PRMT7: variants seen among roughly 807,000 people sequenced by gnomAD.
The protein encoded by PRMT7 is protein arginine N-methyltransferase 7.
In PRMT7, 75 loss-of-function variants were observed where a neutral mutation model predicts 85.4. The observed-to-expected ratio is 0.88, with a 90% CI of 0.73 to 1.06. The LOEUF (loss-of-function observed/expected upper bound fraction) is 1.06, where lower values mean the gene tolerates loss of function less well. Ranked by LOEUF, PRMT7 falls within the 50% of genes least tolerant of loss-of-function variation. The probability of loss-of-function intolerance (pLI) is 0.00; values close to 1 mark genes in which losing one functional copy is unlikely to be tolerated. For missense variants in PRMT7, 868 were observed against 915.2 expected (o/e 0.95, Z 0.67); for synonymous variants, 397 against 359.5 (o/e 1.10, Z -1.18).
At chr16:68,345,025 A>C (rs1358667230) in intron 9 of PRMT7, among the ~76,000 whole-genome samples, 1 of 147,864 alleles carries the variant, frequency 6.8e-6, no homozygotes, top group Non-Finnish European at 1.5e-5. Flanking sequence ...CTGACACTTT[A>C]CTTTTAAATA....
chr16:68,358,919 C>G (rs59495414), downstream of PRMT7: 652 of 152,706 alleles, frequency 4.3e-3, 7 homozygotes, highest in African/African-American at 0.015. Flanking sequence ...GTGGGGGGGT[C>G]CCGGTCTTGG....
At chr16:68,315,857 G>A (rs1016512726) in intron 2 of PRMT7, 40 bp from the exon 3 acceptor site, 34 of 785,950 alleles carry the variant, frequency 4.3e-5, no homozygotes, top group African/African-American at 4.0e-4. Flanking sequence ...TTTTCTGTTC[G>A]TTTGTTTATA....
At position 68,315,864 on chromosome 16, in the gene PRMT7, T is replaced by G. The variant is rs1417756164; in HGVS notation, c.-83-33T>G. The G allele has an allele frequency of 4.7e-6, 4 of 850,058 alleles. No homozygotes were observed. The East Asian group carries it at 1.0e-4, about 21-fold the overall frequency. 52.7% of individuals were successfully genotyped at this position (850,058 alleles called of 1,614,324 possible). ...TAGATTTTTTTTCTGTTCGTTTGTT[T>G]ATATACCTCCTGTTTCCTTCTGATG... On this transcript the variant is annotated intron_variant, in intron 2 of 18. Coordinates refer to ENST00000441236, the MANE Select transcript of PRMT7 (RefSeq NM_019023.5).
At chr16:68,328,716 C>T (rs2083440121) in intron 5 of PRMT7, among the ~76,000 whole-genome samples, 2 of 152,068 alleles carry the variant, frequency 1.3e-5, no homozygotes, top group South Asian at 2.1e-4. Context: ...CACCTACAGT[C>T]TGCTCTCCTC....
chr16:68,341,038 A>T (rs901926621), intron 9 of PRMT7, among the ~76,000 whole-genome samples: 3 of 152,246 alleles, frequency 2.0e-5, no homozygotes, highest in Admixed American at 6.5e-5. Flanking sequence ...ACATATAAGG[A>T]GGTCTTTGGA....
intron 7 of PRMT7, among the ~76,000 whole-genome samples, chr16:68,338,908 C>G (rs939229588): frequency 6.6e-6 from 1 of 152,140 alleles, no homozygotes; most frequent in Non-Finnish European, 1.5e-5. Flanking sequence ...CAGCAGTGCC[C>G]AGCGGCGCTA....
rs1449485538 is a variant in PRMT7 at position 68,347,308 on chromosome 16, C to T, written c.1275+14C>T. On this transcript the variant is annotated intron_variant, in intron 12 of 18. Transcript: ENST00000441236. ...GGGGTGGAGCAGGTACTGACATGCA[C>T]CCTTGTCAGCCTCCTGATGTGGGCT... The T allele has an allele frequency of 2.6e-6, 4 of 1,524,712 alleles. No individual in the cohort carries two copies. Among genetic ancestry groups the T allele is most frequent in the Non-Finnish European group, 3.5e-6 (4 of 1,130,566 alleles). 94.4% of individuals were successfully genotyped at this position (1,524,712 alleles called of 1,614,324 possible). A position where few individuals can be genotyped will look rare whatever the true frequency, so the allele number is the denominator to read the frequency against.
chr16:68,312,231 T>TATATATA (rs1567615815), intron 2 of PRMT7, 55 bp downstream of exon 2: 2 of 53,084 alleles, frequency 3.8e-5, no homozygotes, highest in African/African-American at 1.5e-4. Flanking sequence ...ATATATATAT[T>TATATATA]TTTTTTTTTA....
chr16:68,313,629 T>C (rs182013976), intron 2 of PRMT7, among the ~76,000 whole-genome samples: 121 of 152,364 alleles, frequency 7.9e-4, no homozygotes, highest in African/African-American at 2.9e-3. Context: ...CTCCAACATT[T>C]GTTGGACACA....
chr16:68,356,108 C>G (rs1172594149), intron 17 of PRMT7, among the ~76,000 whole-genome samples: 1 of 152,228 alleles, frequency 6.6e-6, no homozygotes, highest in Non-Finnish European at 1.5e-5. Context: ...TCTGCTCCCC[C>G]TCTACAGCTG....
intron 5 of PRMT7, among the ~76,000 whole-genome samples, chr16:68,325,074 C>G (rs2082946094): frequency 6.6e-6 from 1 of 152,230 alleles, no homozygotes; most frequent in Non-Finnish European, 1.5e-5. Context: ...AAAATACTTA[C>G]AGGCTGGGCA....
At chr16:68,352,567 A>T in intron 15 of PRMT7, 158 bp downstream of exon 15, 1 of 614,144 alleles carries the variant, frequency 1.6e-6, no homozygotes, top group Non-Finnish European at 2.6e-6. Context: ...GTTGAATAGA[A>T]GATGCTTGCC....
In PRMT7 at chr16:68,355,856, G is replaced by A. The variant is rs762559370; in HGVS notation, c.1784G>A (p.Cys595Tyr). ...CAGCCGGTGCCCCTGCAGCCCCTGTGTGCCGAGGGCACCGTGGAGCTCAGA... is the reference window on the plus strand; with the variant it reads ...CAGCCGGTGCCCCTGCAGCCCCTGTATGCCGAGGGCACCGTGGAGCTCAGA... ...FQQPVPLQPL[C>Y]AEGTVELRRP... Residue 595 changes from cysteine to tyrosine, a missense_variant, in exon 17 of 19, where the codon TGT becomes TAT. Coordinates refer to ENST00000441236, the MANE Select transcript of PRMT7 (RefSeq NM_019023.5). 1 of 1,606,760 alleles carries A rather than the reference G, an allele frequency of 6.2e-7. No individual in the cohort carries two copies. The highest frequency in any genetic ancestry group is 8.5e-7 in the Non-Finnish European group (1 of 1,178,746).
intron 13 of PRMT7, 67 bp downstream of exon 13, chr16:68,347,745 G>A: frequency 6.8e-7 from 1 of 1,469,176 alleles, no homozygotes; most frequent in South Asian, 1.2e-5. Context: ...TGGCTTTGAA[G>A]TGGCATTGGC....
At chr16:68,333,075 C>G (rs757879106) in intron 6 of PRMT7, among the ~76,000 whole-genome samples, 1 of 152,146 alleles carries the variant, frequency 6.6e-6, no homozygotes, top group African/African-American at 2.4e-5. Flanking sequence ...CTCACTGCAG[C>G]CTCGACTTCT....
At position 68,357,384 on chromosome 16, in the gene PRMT7, G is replaced by T; in HGVS notation, c.*160G>T. On this transcript the variant is annotated 3_prime_UTR_variant, in exon 19 of 19. Transcript: ENST00000441236. ...TTGCATCTTGTTGCATCTTTGCACT[G>T]CTGGCCTCTGGCTCCAGCTGTGGCA... 1.3e-6 allele frequency: 1 copy of T among 754,896 alleles called. No individual in the cohort carries two copies. The allele number at this position is 754,896 out of a possible 1,614,324, so 46.8% of individuals were successfully genotyped here.
intron 13 of PRMT7, among the ~76,000 whole-genome samples, chr16:68,347,936 T>G (rs530734572): frequency 1.3e-5 from 2 of 152,332 alleles, no homozygotes; most frequent in African/African-American, 4.8e-5. Flanking sequence ...TAAGCTACTG[T>G]TGCGGTAGAA....
At chr16:68,353,383 G>C (rs1263775192) in intron 15 of PRMT7, 109 bp from the exon 16 acceptor site, 2 of 1,560,324 alleles carry the variant, frequency 1.3e-6, no homozygotes, top group East Asian at 4.8e-5. Context: ...CATACTTGGG[G>C]GTCTCTTTCA....
At chr16:68,325,782 C>G (rs1049824211) in intron 5 of PRMT7, among the ~76,000 whole-genome samples, 1 of 152,064 alleles carries the variant, frequency 6.6e-6, no homozygotes, top group African/African-American at 2.4e-5. Flanking sequence ...CAGAGTGAGA[C>G]TCCATCTCAA....
Sources: gnomAD v4.1 joint callset for allele counts (sites outside exome capture counted in the v4.1 genomes callset) on GRCh38, gnomAD v4.1.1 for gene constraint, MANE v1.5 for transcripts, NCBI Gene and HGNC (gene_info 2026-07-23, HGNC 2026-07-21) for gene names.